The following RIGI variants were observed in gnomAD, a reference collection of about 807,000 sequenced individuals.
RIGI encodes antiviral innate immune response receptor RIG-I.
At chr9:32,491,477 G>A in the RIGI span, 1 of 1,413,798 alleles carries the variant, frequency 7.1e-7, no homozygotes, top group Non-Finnish European at 9.6e-7. Flanking sequence ...TAGTTTTGAT[G>A]GTGAAAGCTC....
the RIGI span, among the ~76,000 whole-genome samples, chr9:32,510,257 C>T: frequency 2.0e-5 from 3 of 152,128 alleles, no homozygotes; most frequent in East Asian, 1.9e-4. Flanking sequence ...AGATACTCCT[C>T]GAGAAGAACA....
the RIGI span, among the ~76,000 whole-genome samples, chr9:32,506,278 T>G: frequency 6.6e-6 from 1 of 152,184 alleles, no homozygotes; most frequent in East Asian, 1.9e-4. Flanking sequence ...GGAATGAATG[T>G]TAATACATTT....
the RIGI span, among the ~76,000 whole-genome samples, chr9:32,498,914 C>T: frequency 7.2e-6 from 1 of 139,084 alleles, no homozygotes; most frequent in Non-Finnish European, 1.5e-5. Flanking sequence ...ACCCGGGAGG[C>T]GGAGGTTGCA....
the RIGI span, among the ~76,000 whole-genome samples, chr9:32,465,939 T>C: frequency 6.6e-6 from 1 of 152,162 alleles, no homozygotes; most frequent in Non-Finnish European, 1.5e-5. Flanking sequence ...ACCTGCACAG[T>C]GACCTAGGAG....
the RIGI span, among the ~76,000 whole-genome samples, chr9:32,508,612 A>T: frequency 6.6e-6 from 1 of 152,144 alleles, no homozygotes; most frequent in African/African-American, 2.4e-5. Context: ...CCAGCAGACC[A>T]GGAGATTCCC....
At chr9:32,473,103 A>G in the RIGI span, 6 of 1,424,594 alleles carry the variant, frequency 4.2e-6, no homozygotes, top group African/African-American at 1.4e-5. Flanking sequence ...GACACTCCTT[A>G]TAAATCATTT....
At chr9:32,521,968 CTTGT>C in the RIGI span, among the ~76,000 whole-genome samples, 413 of 152,222 alleles carry the variant, frequency 2.7e-3, 3 homozygotes, top group African/African-American at 9.2e-3. Context: ...TAGTCCAGAG[CTTGT>C]TTATTTAGGG....
the RIGI span, among the ~76,000 whole-genome samples, chr9:32,486,965 C>T: frequency 7.2e-5 from 11 of 152,210 alleles, no homozygotes; most frequent in Non-Finnish European, 2.9e-5. Flanking sequence ...TTTTCTGTAT[C>T]CCTCTCTTCC....
At chr9:32,476,395 C>T in the RIGI span, among the ~76,000 whole-genome samples, 9 of 151,924 alleles carry the variant, frequency 5.9e-5, no homozygotes, top group Non-Finnish European at 1.2e-4. Flanking sequence ...CGCATGGTGG[C>T]AGAGGGTGAT....
At chr9:32,467,313 G>A in the RIGI span, among the ~76,000 whole-genome samples, 1 of 152,204 alleles carries the variant, frequency 6.6e-6, no homozygotes, top group Non-Finnish European at 1.5e-5. Flanking sequence ...TGTTTTTCAG[G>A]AAAAGTAATA....
At chr9:32,504,671 C>G in the RIGI span, among the ~76,000 whole-genome samples, 2 of 144,246 alleles carry the variant, frequency 1.4e-5, no homozygotes, top group African/African-American at 5.1e-5. Context: ...GGCAACAGAG[C>G]AAGGCTGTCT....
At chr9:32,479,764 G>C in the RIGI span, among the ~76,000 whole-genome samples, 1 of 151,324 alleles carries the variant, frequency 6.6e-6, no homozygotes, top group South Asian at 2.1e-4. Context: ...CTGAATCCGG[G>C]AGGCAGAGGT....
the RIGI span, among the ~76,000 whole-genome samples, chr9:32,505,852 T>C: frequency 6.6e-6 from 1 of 152,228 alleles, no homozygotes; most frequent in Non-Finnish European, 1.5e-5. Context: ...TCTATGTCTT[T>C]ACCTGCTTTA....
At chr9:32,490,356 G>A in the RIGI span, among the ~76,000 whole-genome samples, 3 of 151,984 alleles carry the variant, frequency 2.0e-5, no homozygotes, top group Non-Finnish European at 2.9e-5. Flanking sequence ...GCAACAGAGC[G>A]AGAGACTCAG....
chr9:32,514,793 C>T, the RIGI span, among the ~76,000 whole-genome samples: 1 of 152,182 alleles, frequency 6.6e-6, no homozygotes, highest in Non-Finnish European at 1.5e-5. Context: ...TTAAAATCAA[C>T]TCTACATGCC....
chr9:32,512,470 CAT>C, the RIGI span, among the ~76,000 whole-genome samples: 2 of 152,176 alleles, frequency 1.3e-5, no homozygotes, highest in African/African-American at 4.8e-5. Context: ...ACAAAAACCA[CAT>C]GATTATCTCA....
At chr9:32,504,970 ATAT>A in the RIGI span, among the ~76,000 whole-genome samples, 1 of 138,570 alleles carries the variant, frequency 7.2e-6, no homozygotes. Context: ...TATTTATTCT[ATAT>A]TATATATCAT....
the RIGI span, chr9:32,488,030 T>C: frequency 2.4e-5 from 38 of 1,613,990 alleles, no homozygotes; most frequent in South Asian, 3.2e-4. Context: ...TTTACTAGTG[T>C]TGTGGCATTC....
At chr9:32,488,620 A>G in the RIGI span, 2 of 1,140,794 alleles carry the variant, frequency 1.8e-6, no homozygotes, top group Non-Finnish European at 2.4e-6. Context: ...TCTGGATTAT[A>G]AAAAAGCTGA....
Sources: allele counts gnomAD v4.1 joint callset (sites outside exome capture counted in the v4.1 genomes callset), GRCh38; gene constraint gnomAD v4.1.1; transcripts MANE v1.5; gene names NCBI Gene and HGNC (gene_info 2026-07-23, HGNC 2026-07-21).